SMOC1: variants seen among roughly 807,000 people sequenced by gnomAD.
SMOC1 encodes the protein SPARC-related modular calcium-binding protein 1.
Under a neutral mutation model 56.3 loss-of-function variants are expected in SMOC1, and 22 were observed. The observed-to-expected ratio is 0.39, with a 90% CI of 0.28 to 0.56. The LOEUF (loss-of-function observed/expected upper bound fraction) is 0.56. Among genes scored for constraint, SMOC1 ranks in the 20% least tolerant of loss-of-function variants. The pLI is 0.61. For missense variants in SMOC1, 509 were observed against 565.4 expected (o/e 0.90, Z 1.01); for synonymous variants, 193 against 215.0 (o/e 0.90, Z 0.89).
At chr14:70,014,622 T>C (rs1030811206) in intron 10 of SMOC1, among the ~76,000 whole-genome samples, 13 of 152,152 alleles carry the variant, frequency 8.5e-5, no homozygotes, top group African/African-American at 3.1e-4. Flanking sequence ...GAGTAAGACT[T>C]CTGCTCATGC....
intron 5 of SMOC1, among the ~76,000 whole-genome samples, chr14:69,982,080 CATGGGGTG>C (rs1884200847): frequency 6.6e-6 from 1 of 152,034 alleles, no homozygotes; most frequent in African/African-American, 2.4e-5. Context: ...CATCAGAGGC[CATGGGGTG>C]ATGCTGTGAT....
intron 3 of SMOC1, among the ~76,000 whole-genome samples, chr14:69,956,161 A>G (rs1459700): frequency 0.38 from 57,333 of 152,028 alleles, 11,144 homozygotes; most frequent in African/African-American, 0.43. Context: ...AGCAAGAGTT[A>G]TGTAGATAGT....
intron 5 of SMOC1, among the ~76,000 whole-genome samples, chr14:69,986,008 G>A (rs1039112575): frequency 3.9e-5 from 6 of 152,154 alleles, no homozygotes; most frequent in Admixed American, 3.9e-4. Flanking sequence ...GTCTTGGAAG[G>A]TATCTGCTGT....
At chr14:69,964,597 T>A (rs1274462824) in intron 3 of SMOC1, among the ~76,000 whole-genome samples, 1 of 152,096 alleles carries the variant, frequency 6.6e-6, no homozygotes, top group African/African-American at 2.4e-5. Flanking sequence ...CAAGATGGTC[T>A]CGATTTGCTG....
Position 69,922,324 on chromosome 14 carries a change from G to A in SMOC1, c.100-29814G>A, listed in dbSNP as rs150994369. ...GGTGATGTTGTTATCTGCTTTTTTT[G>A]CCTCTCTTCATCATGCTTCAGGCGT... On this transcript the variant is annotated intron_variant, in intron 1 of 11. Transcript: ENST00000361956. 3.4e-3 allele frequency among the ~76,000 whole-genome samples: 512 copies of A among 152,174 alleles called. 2 individuals are homozygous for A. Among genetic ancestry groups the A allele is most frequent in the African/African-American group, 0.012 (490 of 41,528 alleles).
chr14:69,918,167 C>T (rs1158444923), intron 1 of SMOC1, among the ~76,000 whole-genome samples: 1 of 152,036 alleles, frequency 6.6e-6, no homozygotes, highest in Non-Finnish European at 1.5e-5. Context: ...GTATACAAGA[C>T]ATTATAATTA....
At chr14:70,019,377 A>C (rs1885632659) in intron 10 of SMOC1, among the ~76,000 whole-genome samples, 2 of 152,160 alleles carry the variant, frequency 1.3e-5, no homozygotes, top group Non-Finnish European at 2.9e-5. Flanking sequence ...GGAAACTTGG[A>C]TATTGTACCT....
intron 1 of SMOC1, among the ~76,000 whole-genome samples, chr14:69,906,098 A>T (rs552657194): frequency 6.6e-6 from 1 of 152,226 alleles, no homozygotes; most frequent in South Asian, 2.1e-4. Context: ...ATTGTAGCAG[A>T]TTGCATTTTC....
intron 1 of SMOC1, among the ~76,000 whole-genome samples, chr14:69,902,853 C>T (rs1024779695): frequency 2.0e-5 from 3 of 152,324 alleles, no homozygotes; most frequent in Admixed American, 6.5e-5. Flanking sequence ...CTCCTAACTG[C>T]GAGTGATCTG....
chr14:69,893,537 A>G (rs920666650), intron 1 of SMOC1, among the ~76,000 whole-genome samples: 1 of 152,190 alleles, frequency 6.6e-6, no homozygotes, highest in Non-Finnish European at 1.5e-5. Flanking sequence ...TGAAGTGGTA[A>G]GAGCATAAAG....
intron 1 of SMOC1, among the ~76,000 whole-genome samples, chr14:69,909,804 A>G (rs1884508338): frequency 6.6e-6 from 1 of 152,226 alleles, no homozygotes; most frequent in Admixed American, 6.5e-5. Context: ...TTTGTTTATC[A>G]TTGATTCTTC....
intron 1 of SMOC1, among the ~76,000 whole-genome samples, chr14:69,896,750 T>A (rs556002972): frequency 2.0e-5 from 3 of 152,184 alleles, no homozygotes; most frequent in Non-Finnish European, 4.4e-5. Context: ...GGAGGGAGGA[T>A]GTTCCTTGGC....
At chr14:69,910,640 A>G (rs549263984) in intron 1 of SMOC1, among the ~76,000 whole-genome samples, 9 of 151,976 alleles carry the variant, frequency 5.9e-5, no homozygotes, top group African/African-American at 2.2e-4. Flanking sequence ...TATTGCAATA[A>G]GCCTTGGATA....
rs556602905 is a variant in SMOC1 at position 69,960,869 on chromosome 14, C to T, written c.378+7337C>T. ...GGCAAACTGTGGTCTGTGGACCGGC[C>T]ACCTGTTTTTATTTATTCTTTAAAA... On this transcript the variant is annotated intron_variant, in intron 3 of 11. Transcript: ENST00000361956. Among the ~76,000 whole-genome samples, 30 of 152,190 alleles carry T rather than the reference C, an allele frequency of 2.0e-4. No homozygotes were observed. In the South Asian group the frequency reaches 3.9e-3, roughly 20 times the overall value.
intron 1 of SMOC1, among the ~76,000 whole-genome samples, chr14:69,920,889 C>A (rs1218269567): frequency 6.6e-6 from 1 of 152,094 alleles, no homozygotes; most frequent in East Asian, 1.9e-4. Flanking sequence ...GGCCTGGTGG[C>A]TGGAGGTGAA....
At position 69,950,540 on chromosome 14, in the gene SMOC1, C is replaced by T. The variant is rs560039649; in HGVS notation, c.100-1598C>T. 6.0e-4 allele frequency among the ~76,000 whole-genome samples: 92 copies of T among 152,328 alleles called. 1 individual carries two copies. In the South Asian group the frequency reaches 0.018, roughly 29 times the overall value. On this transcript the variant is annotated intron_variant, in intron 1 of 11. Coordinates refer to ENST00000361956, the MANE Select transcript of SMOC1 (RefSeq NM_001034852.3). The stretch of plus-strand genomic sequence containing the variant: ...ATTACATAGTCAACTCTATGATTAC[C>T]GATGGCCTGATTTGTGCTCATGACA...
At chr14:69,915,784 G>A (rs1406423521) in intron 1 of SMOC1, among the ~76,000 whole-genome samples, 2 of 152,080 alleles carry the variant, frequency 1.3e-5, no homozygotes, top group Admixed American at 6.5e-5. Context: ...CTCCATCATG[G>A]GACACTTTCC....
chr14:69,917,770 G>C (rs1000432723), intron 1 of SMOC1, among the ~76,000 whole-genome samples: 1 of 152,182 alleles, frequency 6.6e-6, no homozygotes, highest in Non-Finnish European at 1.5e-5. Flanking sequence ...TGAGGGGCTT[G>C]CAGCAGGCCA....
At chr14:69,912,424 A>T (rs1056486293) in intron 1 of SMOC1, among the ~76,000 whole-genome samples, 56 of 152,040 alleles carry the variant, frequency 3.7e-4, no homozygotes, top group Admixed American at 7.2e-4. Context: ...AATTAAAAAA[A>T]TTTTTTTTGT....
Sources: allele counts gnomAD v4.1 joint callset (sites outside exome capture counted in the v4.1 genomes callset), GRCh38; gene constraint gnomAD v4.1.1; transcripts MANE v1.5; gene names NCBI Gene and HGNC (gene_info 2026-07-23, HGNC 2026-07-21).